Variants in SI observed in about 807,000 individuals in gnomAD.
The protein encoded by SI is sucrase-isomaltase.
In SI, 235 loss-of-function variants were observed where a neutral mutation model predicts 253.3. The ratio of observed to expected loss-of-function variants is 0.93; its 90% CI spans 0.83 to 1.03. The LOEUF is 1.03. SI is among the 50% of genes least tolerant of loss of function. The pLI, the probability that SI is intolerant of heterozygous loss-of-function variation, is 0.00. For missense variants in SI, 2,442 were observed against 2,211.1 expected (o/e 1.10, Z -2.09); for synonymous variants, 819 against 712.0 (o/e 1.15, Z -2.39).
chr3:165,057,764 G>A (rs1171221883), intron 12 of SI, among the ~76,000 whole-genome samples: 2 of 151,198 alleles, frequency 1.3e-5, no homozygotes, highest in Non-Finnish European at 3.0e-5. Context: ...CTTCAAACAT[G>A]GAAAAGAAAT....
rs767050756 is a variant in SI at position 164,982,964 on chromosome 3, A to G, written c.5247+38T>C. 1.7e-5 allele frequency: 26 copies of G among 1,539,620 alleles called. No individual in the cohort carries two copies. In the Admixed American group the frequency reaches 3.3e-4, roughly 20 times the overall value. ...CCCCACCCAGCTGTGAACTTCAAAT[A>G]TTCCTTAACAGAATTGCATATAAAT... On this transcript the variant is annotated intron_variant, in intron 46 of 47. Transcript: ENST00000264382.
At chr3:165,089,411 T>G in the SI span, among the ~76,000 whole-genome samples, 10 of 152,020 alleles carry the variant, frequency 6.6e-5, no homozygotes, top group African/African-American at 1.9e-4. Context: ...CCTATGCAAT[T>G]CTGGAAACAG....
rs532238413 is a variant in SI at position 165,051,274 on chromosome 3, G to T, written c.1513-1399C>A. ...GAAATTTGATACATGGAATTGAAATGATAAATTAATGGTGCTCAAGGGAAA... is the reference window on the plus strand; with the variant it reads ...GAAATTTGATACATGGAATTGAAATTATAAATTAATGGTGCTCAAGGGAAA... On this transcript the variant is annotated intron_variant, in intron 13 of 47. Transcript: ENST00000264382. 3.1e-3 allele frequency among the ~76,000 whole-genome samples: 477 copies of T among 152,130 alleles called. 4 individuals are homozygous for T. Among genetic ancestry groups the T allele is most frequent in the African/African-American group, 0.011 (464 of 41,542 alleles).
At chr3:165,076,517 CCT>C (rs1350070152) in intron 1 of SI, among the ~76,000 whole-genome samples, 1 of 151,610 alleles carries the variant, frequency 6.6e-6, no homozygotes, top group Non-Finnish European at 1.5e-5. Context: ...CTTGAACTCT[CCT>C]CTCTCTAATT....
rs553383353 is a variant in SI, at chr3:165,032,216, G to T, written c.2736+306C>A. On this transcript the variant is annotated intron_variant, in intron 24 of 47. Coordinates refer to ENST00000264382, the MANE Select transcript of SI (RefSeq NM_001041.4). ...CGTGCAATAGGTAGGTTAGAGTTCA[G>T]ATTTGAAGAATTTTTATGGAAAATA... 2.8e-4 allele frequency among the ~76,000 whole-genome samples: 42 copies of T among 151,246 alleles called. No individual in the cohort carries two copies. In the South Asian group the frequency reaches 8.1e-3, roughly 29 times the overall value.
intron 17 of SI, 30 bp downstream of exon 17, chr3:165,043,029 T>C (rs1424432640): frequency 7.6e-7 from 1 of 1,311,558 alleles, no homozygotes. Context: ...TGTTTTTTAT[T>C]TCGCAACATG....
In SI at chr3:165,030,779, T is replaced by C; in HGVS notation, c.2825A>G (p.Asn942Ser). The change falls in exon 25 of 48, where the codon AAT (asparagine) becomes AGT (serine). Residue 942 changes from asparagine to serine, a missense_variant. Asn to Ser is a conservative substitution (Grantham distance 46). Coordinates refer to ENST00000264382, the MANE Select transcript of SI (RefSeq NM_001041.4). ...NQIFSENERF[N>S]CYPDADLATE... ...TGCCAAATCTGCATCTGGATAACAA[T>C]TAAATCTTTCATTTTCTGAGAAAAT... The C allele has an allele frequency of 6.2e-7, 1 of 1,608,308 alleles. No homozygotes were observed. The highest frequency in any genetic ancestry group is 8.5e-7 in the Non-Finnish European group (1 of 1,176,704).
chr3:165,048,702 C>T (rs1713266042), intron 15 of SI, among the ~76,000 whole-genome samples: 1 of 151,732 alleles, frequency 6.6e-6, no homozygotes, highest in African/African-American at 2.4e-5. Context: ...ACTGCAACCT[C>T]TGCCTCCTGG....
In SI at chr3:164,979,360, C is replaced by A. The variant is rs1182838646; in HGVS notation, c.*2G>T. The A allele has an allele frequency of 6.4e-7, 1 of 1,569,860 alleles. No individual in the cohort carries two copies. The highest frequency in any genetic ancestry group is 1.7e-5 in the Admixed American group (1 of 59,658). ...ATTGACAACTAAAATTGATGGTGAT[C>A]TTCATGACCAGTTGATTTCTATTGG... On this transcript the variant is annotated 3_prime_UTR_variant, in exon 48 of 48. Transcript: ENST00000264382.
the SI span, among the ~76,000 whole-genome samples, chr3:165,083,735 C>A: frequency 1.3e-5 from 2 of 151,888 alleles, no homozygotes; most frequent in Non-Finnish European, 2.9e-5. Flanking sequence ...TATCTATTAC[C>A]TTCTTTGGCC....
rs1713854668 is a variant in SI, at chr3:165,059,084, TA to T, written c.1279-3del. On this transcript the variant is annotated splice_region_variant and splice_polypyrimidine_tract_variant and intron_variant, in intron 11 of 47. Coordinates refer to ENST00000264382, the MANE Select transcript of SI (RefSeq NM_001041.4). ...TCGACCTATGGAAATTGCAGGGTCC[TA>T]ATAATAGAAAGCAGAAACTGCAAAA... The T allele has an allele frequency of 5.0e-6, 8 of 1,611,630 alleles. No homozygotes were observed. In the South Asian group the frequency reaches 6.6e-5, roughly 13 times the overall value.
At chr3:165,051,045 C>T (rs919865572) in intron 13 of SI, among the ~76,000 whole-genome samples, 1 of 151,936 alleles carries the variant, frequency 6.6e-6, no homozygotes, top group Non-Finnish European at 1.5e-5. Flanking sequence ...ATTTTTTAAA[C>T]ACATGTAATG....
At chr3:165,040,174 G>A (rs1421059410) in intron 18 of SI, among the ~76,000 whole-genome samples, 3 of 151,120 alleles carry the variant, frequency 2.0e-5, no homozygotes, top group African/African-American at 4.9e-5. Flanking sequence ...AAGGGAAGAA[G>A]GAAGAAGGGG....
chr3:164,985,171 G>A (rs1046049846), intron 45 of SI, among the ~76,000 whole-genome samples: 1 of 152,134 alleles, frequency 6.6e-6, no homozygotes, highest in Non-Finnish European at 1.5e-5. Flanking sequence ...TGTTGTCATC[G>A]ATGCTGTAGT....
intron 25 of SI, among the ~76,000 whole-genome samples, chr3:165,027,845 G>A (rs1181145051): frequency 6.6e-6 from 1 of 151,424 alleles, no homozygotes; most frequent in Non-Finnish European, 1.5e-5. Context: ...ACTGAATGGG[G>A]AAAAGTTGAA....
At chr3:165,022,306 T>C (rs1711665191) in intron 26 of SI, among the ~76,000 whole-genome samples, 2 of 151,242 alleles carry the variant, frequency 1.3e-5, no homozygotes. Context: ...TTAACGCCTT[T>C]TTATCTGTGG....
At chr3:165,034,898 A>G (rs1266552615) in intron 22 of SI, among the ~76,000 whole-genome samples, 5 of 152,168 alleles carry the variant, frequency 3.3e-5, no homozygotes. Flanking sequence ...AAAAGGGGTT[A>G]AAAAGAGCTA....
chr3:164,999,460 G>A (rs1718164699), intron 37 of SI, among the ~76,000 whole-genome samples: 1 of 151,372 alleles, frequency 6.6e-6, no homozygotes, highest in South Asian at 2.1e-4. Context: ...TCTAATATTA[G>A]TTGGAAATAA....
upstream of SI, among the ~76,000 whole-genome samples, chr3:165,078,929 A>C (rs994143732): frequency 8.6e-5 from 13 of 151,532 alleles, no homozygotes; most frequent in Non-Finnish European, 8.9e-5. Context: ...GTAATGATTA[A>C]ATAAAAATTA....
Sources: gnomAD v4.1 joint callset for allele counts (sites outside exome capture counted in the v4.1 genomes callset) on GRCh38, gnomAD v4.1.1 for gene constraint, MANE v1.5 for transcripts, NCBI Gene and HGNC (gene_info 2026-07-23, HGNC 2026-07-21) for gene names.